Variants in TENM2 observed in about 807,000 individuals in gnomAD.
TENM2 encodes the protein teneurin transmembrane protein 2.
A neutral mutation model predicts 245.2 loss-of-function variants in TENM2; 52 were observed. The observed-to-expected ratio is 0.21, with a 90% CI of 0.17 to 0.27. The LOEUF is 0.27. Among genes scored for constraint, TENM2 ranks in the 10% least tolerant of loss-of-function variants. The probability of loss-of-function intolerance (pLI) is 1.00; values close to 1 mark genes in which losing one functional copy is unlikely to be tolerated. For synonymous variants in TENM2, 1,363 were observed against 1,438.9 expected, an observed-to-expected ratio of 0.95 and a Z score of 1.19; for missense variants, 3,046 against 3,666.8, an observed-to-expected ratio of 0.83 and a Z score of 4.37.
chr5:168,008,919 A>T (rs1277121938), intron 5 of TENM2, among the ~76,000 whole-genome samples: 1 of 152,168 alleles, frequency 6.6e-6, no homozygotes. Flanking sequence ...CGGTTTCTTT[A>T]TTATGAGAGG....
At chr5:167,060,202 G>A in the TENM2 span, among the ~76,000 whole-genome samples, 1 of 151,954 alleles carries the variant, frequency 6.6e-6, no homozygotes, top group African/African-American at 2.4e-5. Flanking sequence ...CTTGGTCCTG[G>A]TGGTACGATT....
the TENM2 span, among the ~76,000 whole-genome samples, chr5:167,002,935 T>G: frequency 6.6e-6 from 1 of 152,114 alleles, no homozygotes; most frequent in South Asian, 2.1e-4. Context: ...GAGAAATAAT[T>G]CAGTACAATT....
At chr5:167,472,875 C>G (rs541126182) in intron 2 of TENM2, among the ~76,000 whole-genome samples, 2 of 152,312 alleles carry the variant, frequency 1.3e-5, no homozygotes, top group South Asian at 4.1e-4. Context: ...AAAGACCTAG[C>G]TGGGCCTTAG....
chr5:167,743,090 A>G (rs1761305020), intron 2 of TENM2, among the ~76,000 whole-genome samples: 1 of 152,186 alleles, frequency 6.6e-6, no homozygotes, highest in Admixed American at 6.5e-5. Flanking sequence ...GAACAAAACA[A>G]CATACACACC....
chr5:167,306,626 A>G (rs1755695443), intron 1 of TENM2: 1 of 152,220 alleles, frequency 6.6e-6, no homozygotes, highest in Non-Finnish European at 1.5e-5. Flanking sequence ...GCCAAGTGAT[A>G]AGAAAACAAA....
At chr5:168,173,683 G>T (rs1046160800) in intron 13 of TENM2, among the ~76,000 whole-genome samples, 2 of 152,138 alleles carry the variant, frequency 1.3e-5, no homozygotes, top group African/African-American at 4.8e-5. Context: ...GCATGTGAAT[G>T]AATAAGACTC....
chr5:167,788,464 T>C (rs1462762133), intron 2 of TENM2, among the ~76,000 whole-genome samples: 1 of 152,194 alleles, frequency 6.6e-6, no homozygotes, highest in African/African-American at 2.4e-5. Context: ...AACCACCTGA[T>C]TTACAACTCA....
chr5:168,212,044 A>G (rs1488577173), intron 20 of TENM2, among the ~76,000 whole-genome samples: 4 of 152,174 alleles, frequency 2.6e-5, no homozygotes, highest in Non-Finnish European at 5.9e-5. Flanking sequence ...TGCGGTCCAT[A>G]ATTGGGCTAA....
At chr5:167,745,899 T>C (rs1225860032) in intron 2 of TENM2, among the ~76,000 whole-genome samples, 1 of 152,238 alleles carries the variant, frequency 6.6e-6, no homozygotes, top group Non-Finnish European at 1.5e-5. Flanking sequence ...GATGGACATT[T>C]GGATTGTTTC....
At position 167,907,555 on chromosome 5, in the gene TENM2, A is replaced by G. The variant is rs1194713402; in HGVS notation, c.712+31360A>G. ...TATATATATATATATATATATATAT[A>G]TATATATATATATATATGTATGTAT... On this transcript the variant is annotated intron_variant, in intron 3 of 28. Coordinates refer to ENST00000518659, the Ensembl canonical transcript of TENM2. Among the ~76,000 whole-genome samples, 8 of 108,018 alleles carry G rather than the reference A, an allele frequency of 7.4e-5. No individual in the cohort carries two copies. In the South Asian group the frequency reaches 1.4e-3, roughly 19 times the overall value. 70.9% of individuals were successfully genotyped at this position (108,018 alleles called of 152,430 possible).
rs536667543 is a variant in TENM2, at chr5:167,446,167, T to A, written c.502+70694T>A. Among the ~76,000 whole-genome samples, 82 of 152,300 alleles carry A rather than the reference T, an allele frequency of 5.4e-4. 1 individual carries two copies. Among genetic ancestry groups the A allele is most frequent in the African/African-American group, 1.9e-3 (80 of 41,578 alleles). ...AGTGCTTTGAACTGGGATAAAATAT[T>A]TATACACAGTTTGAATTTAGTGTTT... On this transcript the variant is annotated intron_variant, in intron 2 of 28. Coordinates refer to ENST00000518659, the Ensembl canonical transcript of TENM2.
At chr5:167,461,957 G>C (rs961462689) in intron 2 of TENM2, among the ~76,000 whole-genome samples, 1 of 152,094 alleles carries the variant, frequency 6.6e-6, no homozygotes, top group African/African-American at 2.4e-5. Context: ...TGGTTTGTGA[G>C]AAACATAATG....
intron 2 of TENM2, among the ~76,000 whole-genome samples, chr5:167,458,846 T>C (rs1023701908): frequency 1.3e-5 from 2 of 152,194 alleles, no homozygotes; most frequent in Non-Finnish European, 2.9e-5. Context: ...AGTAGCACAC[T>C]GTGGGTGAAA....
intron 27 of TENM2, among the ~76,000 whole-genome samples, 180 bp downstream of exon 29, chr5:168,248,551 A>T (rs537469154): frequency 8.5e-5 from 13 of 152,340 alleles, no homozygotes; most frequent in African/African-American, 3.1e-4. Flanking sequence ...AGTACAGAGC[A>T]GTCATGAGGA....
At chr5:166,982,514 G>A in the TENM2 span, among the ~76,000 whole-genome samples, 15 of 151,904 alleles carry the variant, frequency 9.9e-5, no homozygotes, top group Non-Finnish European at 1.5e-5. Flanking sequence ...GGGCCTTTTT[G>A]TCCCTTCCCA....
the TENM2 span, among the ~76,000 whole-genome samples, chr5:167,208,417 T>C: frequency 2.6e-4 from 39 of 152,288 alleles, no homozygotes; most frequent in African/African-American, 8.9e-4. Context: ...GAGAAAGCAA[T>C]TGAATGGCCT....
At chr5:167,897,887 A>ATT (rs1432727515) in intron 3 of TENM2, among the ~76,000 whole-genome samples, 1,552 of 136,726 alleles carry the variant, frequency 0.011, 30 homozygotes, top group African/African-American at 0.04. Flanking sequence ...TCCGTAGTAA[A>ATT]TTGTTTTTTT....
chr5:167,494,869 A>G (rs1249880595), intron 2 of TENM2, among the ~76,000 whole-genome samples: 1 of 152,142 alleles, frequency 6.6e-6, no homozygotes, highest in Admixed American at 6.6e-5. Flanking sequence ...AATATATTCA[A>G]CCAACTGCAA....
chr5:167,652,066 C>G (rs1455708563), intron 2 of TENM2, among the ~76,000 whole-genome samples: 1 of 152,142 alleles, frequency 6.6e-6, no homozygotes, highest in Non-Finnish European at 1.5e-5. Flanking sequence ...CCCTTGCTAT[C>G]TTATGCTCTT....
Sources: gnomAD v4.1 joint callset for allele counts (sites outside exome capture counted in the v4.1 genomes callset) on GRCh38, gnomAD v4.1.1 for gene constraint, MANE v1.5 for transcripts, NCBI Gene and HGNC (gene_info 2026-07-23, HGNC 2026-07-21) for gene names.